Variants in KCNJ6 observed in about 807,000 individuals in gnomAD.
KCNJ6 encodes the protein potassium inwardly rectifying channel subfamily J member 6.
Under a neutral mutation model 34.2 loss-of-function variants are expected in KCNJ6, and 9 were observed. That is an observed-to-expected ratio of 0.26 (90% CI 0.16 to 0.46). The LOEUF (loss-of-function observed/expected upper bound fraction) is 0.46, where lower values mean the gene tolerates loss of function less well. KCNJ6 is among the 20% of genes least tolerant of loss of function. KCNJ6 has a pLI of 1.00. For missense variants in KCNJ6, 236 were observed against 531.3 expected (o/e 0.44, Z 5.46); for synonymous variants, 196 against 207.1 (o/e 0.95, Z 0.46).
At chr21:37,658,348 G>A (rs2054473505) in intron 3 of KCNJ6, among the ~76,000 whole-genome samples, 1 of 152,242 alleles carries the variant, frequency 6.6e-6, no homozygotes, top group South Asian at 2.1e-4. Flanking sequence ...GCCTACCCAC[G>A]TGGGGGAATT....
rs765958994 is a variant in KCNJ6 at position 37,609,996 on chromosome 21, C to A, written c.*15163G>T. The A allele has an allele frequency of 2.6e-5, 4 of 152,214 alleles. No individual in the cohort carries two copies. Among genetic ancestry groups the A allele is most frequent in the Admixed American group, 1.3e-4 (2 of 15,274 alleles). The allele number at this position is 152,214 out of a possible 1,614,324, so 9.4% of individuals were successfully genotyped here. ...ACCTCACAGCTCATCTCTCTGCTAC[C>A]GGGTTTAGTGGTGGTAATGACAGGG... On this transcript the variant is annotated 3_prime_UTR_variant, in exon 4 of 4. Transcript: ENST00000609713.
intron 3 of KCNJ6, among the ~76,000 whole-genome samples, chr21:37,684,058 C>G (rs904571346): frequency 6.6e-6 from 1 of 152,218 alleles, no homozygotes; most frequent in Non-Finnish European, 1.5e-5. Context: ...TCAAACTGCC[C>G]TATAATTGTT....
intron 3 of KCNJ6, among the ~76,000 whole-genome samples, chr21:37,667,765 T>C (rs893485979): frequency 2.2e-4 from 33 of 151,980 alleles, no homozygotes; most frequent in African/African-American, 6.3e-4. Context: ...TCTCACCCCA[T>C]TGTGACATCC....
chr21:37,682,115 G>C (rs1298231287), intron 3 of KCNJ6, among the ~76,000 whole-genome samples: 4 of 152,200 alleles, frequency 2.6e-5, no homozygotes, highest in Admixed American at 2.6e-4. Flanking sequence ...CGCAAGGATG[G>C]TGGATTAGTT....
intron 2 of KCNJ6, among the ~76,000 whole-genome samples, chr21:37,734,160 C>T (rs892984906): frequency 3.9e-5 from 6 of 152,140 alleles, no homozygotes; most frequent in Non-Finnish European, 8.8e-5. Context: ...GATGTGGGCT[C>T]CTACCTTTCT....
intron 2 of KCNJ6, among the ~76,000 whole-genome samples, chr21:37,787,610 A>G (rs2055198452): frequency 6.6e-6 from 1 of 152,208 alleles, no homozygotes; most frequent in Admixed American, 6.5e-5. Flanking sequence ...ATCCCCAAGG[A>G]CATGAATGTA....
chr21:37,607,777 A>G lies in KCNJ6; in HGVS notation c.*17382T>C, dbSNP rs1218404068. ...AGAAGCCTTGGTAGCAACTTTTGAA[A>G]GAAGCATTTCTTGTTTTCTTTCTGT... On this transcript the variant is annotated 3_prime_UTR_variant, in exon 4 of 4. Coordinates refer to ENST00000609713, the MANE Select transcript of KCNJ6 (RefSeq NM_002240.5). 6.6e-6 allele frequency: 1 copy of G among 152,186 alleles called. No homozygotes were observed. Among genetic ancestry groups the G allele is most frequent in the African/African-American group, 2.4e-5 (1 of 41,444 alleles). 9.4% of individuals were successfully genotyped at this position (152,186 alleles called of 1,614,324 possible). A position where few individuals can be genotyped will look rare whatever the true frequency, so the allele number is the denominator to read the frequency against.
chr21:37,801,934 T>C (rs780026898), intron 2 of KCNJ6, among the ~76,000 whole-genome samples: 6 of 152,112 alleles, frequency 3.9e-5, no homozygotes, highest in Non-Finnish European at 8.8e-5. Flanking sequence ...GTCCCTAAAG[T>C]GGGTTGATAA....
intron 3 of KCNJ6, among the ~76,000 whole-genome samples, chr21:37,688,372 T>G (rs1235333164): frequency 6.6e-6 from 1 of 151,502 alleles, no homozygotes; most frequent in East Asian, 1.9e-4. Context: ...TTAAAAGCAT[T>G]TTTTTTTTAA....
At chr21:37,672,247 G>T (rs2054545585) in intron 3 of KCNJ6, among the ~76,000 whole-genome samples, 1 of 152,128 alleles carries the variant, frequency 6.6e-6, no homozygotes, top group East Asian at 1.9e-4. Flanking sequence ...AAGAAATATA[G>T]CTTTAGCTTC....
At chr21:37,801,590 C>T (rs144782502) in intron 2 of KCNJ6, among the ~76,000 whole-genome samples, 14 of 152,314 alleles carry the variant, frequency 9.2e-5, no homozygotes, top group South Asian at 2.1e-4. Flanking sequence ...TAACGCTGAG[C>T]GAATATGTCT....
At chr21:37,863,848 T>G (rs1400668861) in intron 1 of KCNJ6, among the ~76,000 whole-genome samples, 1 of 83,670 alleles carries the variant, frequency 1.2e-5, no homozygotes. Flanking sequence ...ATATAAAGGT[T>G]TTTTTTTTTT....
At chr21:37,767,533 C>T (rs1028960803) in intron 2 of KCNJ6, among the ~76,000 whole-genome samples, 1 of 152,166 alleles carries the variant, frequency 6.6e-6, no homozygotes, top group African/African-American at 2.4e-5. Context: ...TGAACTCTCA[C>T]CACTCCCCAG....
chr21:37,734,996 A>C (rs2054905446), intron 2 of KCNJ6, among the ~76,000 whole-genome samples: 1 of 152,104 alleles, frequency 6.6e-6, no homozygotes, highest in Non-Finnish European at 1.5e-5. Context: ...TGCCTTCTTC[A>C]CGATTCGCTC....
chr21:37,759,399 A>G (rs563387063), intron 2 of KCNJ6, among the ~76,000 whole-genome samples: 51 of 152,306 alleles, frequency 3.3e-4, no homozygotes, highest in African/African-American at 1.2e-3. Context: ...GAGACCAGGA[A>G]GAGCTGAAAC....
At chr21:37,630,132 C>CTGTGTGTGTGTGTGTGTGTGTGTGTGTG (rs367573192) in intron 3 of KCNJ6, among the ~76,000 whole-genome samples, 1 of 44,332 alleles carries the variant, frequency 2.3e-5, no homozygotes, top group African/African-American at 1.1e-4. Flanking sequence ...AAGATGACAT[C>CTGTGTGTGTGTGTGTGTGTGTGTGTGTG]TCTGTGTGTG....
At chr21:37,656,438 A>G (rs1018910237) in intron 3 of KCNJ6, among the ~76,000 whole-genome samples, 16 of 152,146 alleles carry the variant, frequency 1.1e-4, no homozygotes, top group African/African-American at 3.9e-4. Flanking sequence ...AGGCTGAGTC[A>G]AAGTGGTTGG....
intron 2 of KCNJ6, among the ~76,000 whole-genome samples, chr21:37,814,694 C>T (rs541425757): frequency 2.6e-5 from 4 of 152,082 alleles, no homozygotes; most frequent in East Asian, 1.9e-4. Flanking sequence ...GTCAAGAGAT[C>T]GAGGCCATCC....
intron 3 of KCNJ6, among the ~76,000 whole-genome samples, chr21:37,655,225 GAGAGAGAGA>G (rs2054456476): frequency 5.5e-4 from 1 of 1,826 alleles, no homozygotes; most frequent in African/African-American, 2.5e-3. Flanking sequence ...GTGTGTGTGT[GAGAGAGAGA>G]GAGAGAGAGA....
Sources: gnomAD v4.1 joint callset for allele counts (sites outside exome capture counted in the v4.1 genomes callset) on GRCh38, gnomAD v4.1.1 for gene constraint, MANE v1.5 for transcripts, NCBI Gene and HGNC (gene_info 2026-07-23, HGNC 2026-07-21) for gene names.